Variants in CDH4 observed in about 807,000 individuals in gnomAD.
CDH4 encodes cadherin-4.
CDH4 carries 33 observed loss-of-function variants against 86.0 expected under a neutral mutation model. The observed-to-expected ratio is 0.38, with a 90% CI of 0.29 to 0.51. The LOEUF is 0.51. CDH4 is among the 20% of genes least tolerant of loss of function. The pLI is 0.86. For synonymous variants in CDH4, 555 were observed against 549.4 expected, an observed-to-expected ratio of 1.01 and a Z score of -0.14; for missense variants, 1,114 against 1,307.4, an observed-to-expected ratio of 0.85 and a Z score of 2.28.
chr20:61,617,564 G>A (rs1023950667), intron 2 of CDH4, among the ~76,000 whole-genome samples: 2 of 152,212 alleles, frequency 1.3e-5, no homozygotes, highest in African/African-American at 2.4e-5. Context: ...GCTGAGCTTC[G>A]TGCCCCTTCG....
intron 8 of CDH4, among the ~76,000 whole-genome samples, chr20:61,900,330 AAGCCTCGGCCGCACAG>A (rs1985335091): frequency 6.8e-5 from 1 of 14,782 alleles, no homozygotes; most frequent in African/African-American, 9.0e-5. Flanking sequence ...TGCACAGTGC[AAGCCTCGGCCGCACAG>A]TGCAAGCCTC....
At chr20:61,834,123 G>A (rs991370217) in intron 4 of CDH4, among the ~76,000 whole-genome samples, 1 of 152,244 alleles carries the variant, frequency 6.6e-6, no homozygotes, top group South Asian at 2.1e-4. Flanking sequence ...CAGAGCAAGG[G>A]TGGGCCGGGG....
chr20:61,602,747 C>CTG (rs2086612323), intron 2 of CDH4, among the ~76,000 whole-genome samples: 1 of 145,938 alleles, frequency 6.9e-6, no homozygotes, highest in Non-Finnish European at 1.5e-5. Context: ...CTCCCAGGTG[C>CTG]TGTGTGTGCC....
intron 2 of CDH4, among the ~76,000 whole-genome samples, chr20:61,266,285 A>G (rs769860876): frequency 2.0e-5 from 3 of 151,938 alleles, no homozygotes; most frequent in Non-Finnish European, 2.9e-5. Flanking sequence ...TTCCAGCCCC[A>G]GAGTGTGGGT....
chr20:61,921,001 G>A (rs2054975299), intron 9 of CDH4, among the ~76,000 whole-genome samples: 1 of 147,526 alleles, frequency 6.8e-6, no homozygotes, highest in African/African-American at 2.5e-5. Flanking sequence ...TGTCGTGATT[G>A]CATGGAAGCG....
At chr20:61,653,791 G>A (rs2087155304) in intron 2 of CDH4, among the ~76,000 whole-genome samples, 1 of 117,628 alleles carries the variant, frequency 8.5e-6, no homozygotes, top group Non-Finnish European at 2.0e-5. Flanking sequence ...ACGATGGGCG[G>A]CCGGGCAGAG....
In CDH4 at chr20:61,380,933, A is replaced by G. The variant is rs998873296; in HGVS notation, c.169+125996A>G. On this transcript the variant is annotated intron_variant, in intron 2 of 15. Transcript: ENST00000614565. Reference sequence around the variant, plus strand: ...CAGGGGAAGATGTGGGAAAATTTAGATGACATAAAAATACTGGAGTATCAT... The same window carrying G: ...CAGGGGAAGATGTGGGAAAATTTAGGTGACATAAAAATACTGGAGTATCAT... Among the ~76,000 whole-genome samples, 3 of 152,246 alleles carry G rather than the reference A, an allele frequency of 2.0e-5. No individual in the cohort carries two copies. In the South Asian group the frequency reaches 6.2e-4, roughly 31 times the overall value.
intron 2 of CDH4, among the ~76,000 whole-genome samples, chr20:61,538,213 T>G (rs1006736756): frequency 5.9e-5 from 9 of 152,184 alleles, no homozygotes; most frequent in African/African-American, 2.2e-4. Context: ...TGGGCTTTCC[T>G]TTGAACCTCT....
chr20:61,648,766 G>C (rs78093476), intron 2 of CDH4, among the ~76,000 whole-genome samples: 1 of 152,132 alleles, frequency 6.6e-6, no homozygotes, highest in Non-Finnish European at 1.5e-5. Context: ...CATGTGTTAC[G>C]GGGATAGCAA....
chr20:61,263,650 T>A (rs988625567), intron 2 of CDH4, among the ~76,000 whole-genome samples: 6 of 152,220 alleles, frequency 3.9e-5, no homozygotes, highest in Admixed American at 1.3e-4. Context: ...ATTATTTTCT[T>A]ATTGCAGTAT....
At chr20:61,835,286 A>C (rs1026538198) in intron 4 of CDH4, among the ~76,000 whole-genome samples, 1 of 152,130 alleles carries the variant, frequency 6.6e-6, no homozygotes, top group Admixed American at 6.5e-5. Flanking sequence ...GCTGGTCTTG[A>C]ACTCCTGGCC....
rs562647019 is a variant in CDH4, at chr20:61,681,079, C to T, written c.170-62484C>T. On this transcript the variant is annotated intron_variant, in intron 2 of 15. Transcript: ENST00000614565. This position sits in a 1 kb window ranked among gnomAD's most constrained non-coding sequence, Gnocchi z 4.5. ...CTTCTCTAACATAATCCCTCTGTGC[C>T]GTGCAATTATTAACACATCGCTTGA... Among the ~76,000 whole-genome samples, 34 of 152,278 alleles carry T rather than the reference C, an allele frequency of 2.2e-4. No individual in the cohort carries two copies. Among genetic ancestry groups the T allele is most frequent in the South Asian group, 1.9e-3 (9 of 4,828 alleles).
intron 2 of CDH4, among the ~76,000 whole-genome samples, chr20:61,735,256 G>C (rs1350471791): frequency 6.6e-6 from 1 of 152,166 alleles, no homozygotes; most frequent in East Asian, 1.9e-4. Flanking sequence ...CTGGAATTAG[G>C]GACCCCAGAA....
chr20:61,348,397 A>G (rs965117875), intron 2 of CDH4, among the ~76,000 whole-genome samples: 2 of 152,112 alleles, frequency 1.3e-5, no homozygotes, highest in Non-Finnish European at 2.9e-5. Flanking sequence ...CCCATGACAC[A>G]TGGGAATTAT....
intron 2 of CDH4, among the ~76,000 whole-genome samples, chr20:61,365,464 G>A (rs1208198325): frequency 1.3e-5 from 2 of 152,132 alleles, no homozygotes; most frequent in Non-Finnish European, 2.9e-5. Context: ...GCTGGGGTAT[G>A]AGGAGCAAAG....
At chr20:61,642,721 G>C (rs2087023597) in intron 2 of CDH4, among the ~76,000 whole-genome samples, 1 of 152,184 alleles carries the variant, frequency 6.6e-6, no homozygotes, top group Non-Finnish European at 1.5e-5. Flanking sequence ...CTATAATCCA[G>C]GTGTCTGCAG....
At chr20:61,498,064 G>A (rs887778963) in intron 2 of CDH4, among the ~76,000 whole-genome samples, 9 of 120,508 alleles carry the variant, frequency 7.5e-5, no homozygotes, top group Admixed American at 7.0e-4. Flanking sequence ...TCATGGGGTG[G>A]GGGGAGGGGG....
At chr20:61,287,765 C>G (rs367569825) in intron 2 of CDH4, among the ~76,000 whole-genome samples, 6 of 152,160 alleles carry the variant, frequency 3.9e-5, no homozygotes, top group East Asian at 1.9e-4. Context: ...AGCCACTCCC[C>G]CTAAGTGAGG....
intron 4 of CDH4, among the ~76,000 whole-genome samples, chr20:61,800,515 A>G (rs561646506): frequency 2.6e-5 from 4 of 152,294 alleles, no homozygotes; most frequent in African/African-American, 9.6e-5. Context: ...ATCGCCCCCC[A>G]CAGAAAGGAA....
Sources: allele counts gnomAD v4.1 joint callset (sites outside exome capture counted in the v4.1 genomes callset), GRCh38; gene constraint gnomAD v4.1.1; non-coding constraint Gnocchi (gnomAD v3.1); transcripts MANE v1.5; gene names NCBI Gene and HGNC (gene_info 2026-07-23, HGNC 2026-07-21).